The following IQCM variants were observed in gnomAD, a reference collection of about 807,000 sequenced individuals.
IQCM encodes IQ domain-containing protein M.
Under a neutral mutation model 57.6 loss-of-function variants are expected in IQCM, and 45 were observed. The observed-to-expected ratio is 0.78, with a 90% CI of 0.62 to 1.00. The LOEUF (loss-of-function observed/expected upper bound fraction) is 1.00, where lower values mean the gene tolerates loss of function less well. Among genes scored for constraint, IQCM ranks in the 50% least tolerant of loss-of-function variants. The pLI, the probability that IQCM is intolerant of heterozygous loss-of-function variation, is 0.00. For synonymous variants in IQCM, 148 were observed against 158.9 expected (o/e 0.93, Z 0.51); for missense variants, 468 against 511.6 (o/e 0.91, Z 0.82).
Position 149,733,521 on chromosome 4 carries a change from C to CA in IQCM, c.121-14dup, listed in dbSNP as rs1766658014. The CA allele has an allele frequency of 8.3e-7, 1 of 1,204,438 alleles. No homozygotes were observed. The highest frequency in any genetic ancestry group is 1.6e-5 in the African/African-American group (1 of 63,774). 74.6% of individuals were successfully genotyped at this position (1,204,438 alleles called of 1,614,324 possible). Reference sequence around the variant, plus strand: ...CTTGAACTTTATTCTATGAATAAAACAAAAATAGATTTTGGCAAAATTTAA... The same window carrying CA: ...CTTGAACTTTATTCTATGAATAAAACAAAAAATAGATTTTGGCAAAATTTAA... On this transcript the variant is annotated splice_polypyrimidine_tract_variant and intron_variant, in intron 4 of 13. Coordinates refer to ENST00000636793, the MANE Select transcript of IQCM (RefSeq NM_001363507.2).
chr4:149,646,207 T>G (rs1427516705), intron 7 of IQCM, among the ~76,000 whole-genome samples: 1 of 152,178 alleles, frequency 6.6e-6, no homozygotes, highest in African/African-American at 2.4e-5. Context: ...TAATAATTCT[T>G]TATATTATAC....
At chr4:149,718,968 A>G (rs1223033608) in intron 5 of IQCM, among the ~76,000 whole-genome samples, 1 of 152,242 alleles carries the variant, frequency 6.6e-6, no homozygotes, top group Non-Finnish European at 1.5e-5. Flanking sequence ...TCTAGGAATT[A>G]TCATCTGATA....
At chr4:149,594,301 A>G (rs1753537715) in intron 8 of IQCM, among the ~76,000 whole-genome samples, 1 of 151,984 alleles carries the variant, frequency 6.6e-6, no homozygotes, top group African/African-American at 2.4e-5. Flanking sequence ...ATCAGTGGTG[A>G]TATCTCCTTT....
At chr4:149,361,336 G>A (rs1473234683) in intron 13 of IQCM, among the ~76,000 whole-genome samples, 1 of 152,178 alleles carries the variant, frequency 6.6e-6, no homozygotes, top group Non-Finnish European at 1.5e-5. Context: ...ATTCAAGCTG[G>A]CTGCAGAAAT....
At chr4:149,367,422 G>T (rs1320579967) in intron 13 of IQCM, among the ~76,000 whole-genome samples, 7 of 151,892 alleles carry the variant, frequency 4.6e-5, no homozygotes, top group Admixed American at 3.3e-4. Context: ...TTGTTTTACA[G>T]AAATTATATC....
intron 9 of IQCM, among the ~76,000 whole-genome samples, chr4:149,582,307 CATATATATATAT>C (rs70965193): frequency 1.8e-3 from 155 of 88,038 alleles, no homozygotes; most frequent in African/African-American, 2.7e-3. Context: ...ATGCTGTAGA[CATATATATATAT>C]ATATATATAT....
intron 13 of IQCM, among the ~76,000 whole-genome samples, chr4:149,425,776 C>A (rs888090669): frequency 2.6e-5 from 4 of 151,932 alleles, no homozygotes; most frequent in Admixed American, 6.6e-5. Context: ...ACCTTCACAA[C>A]AATTATATTA....
intron 2 of IQCM, among the ~76,000 whole-genome samples, chr4:149,808,689 A>G (rs6844803): frequency 0.083 from 12,606 of 152,212 alleles, 1,376 homozygotes; most frequent in African/African-American, 0.24. Context: ...ATCATAAAAA[A>G]TCAAATAAAG....
chr4:149,526,467 A>G (rs1191572559), intron 12 of IQCM, among the ~76,000 whole-genome samples: 1 of 152,020 alleles, frequency 6.6e-6, no homozygotes, highest in Non-Finnish European at 1.5e-5. Flanking sequence ...TTATATCATC[A>G]AAAAAGTTCT....
chr4:149,494,184 C>A (rs1033238357), intron 12 of IQCM, among the ~76,000 whole-genome samples: 20 of 151,838 alleles, frequency 1.3e-4, no homozygotes, highest in Non-Finnish European at 2.9e-4. Flanking sequence ...TCGTTTTTAA[C>A]GGCTAACATT....
intron 7 of IQCM, among the ~76,000 whole-genome samples, chr4:149,667,347 T>TA (rs201360274): frequency 0.012 from 1,869 of 152,086 alleles, 22 homozygotes; most frequent in African/African-American, 0.031. Context: ...GCCTGACTGT[T>TA]AAAAGGAAAA....
chr4:149,596,916 A>T (rs2150023649), intron 8 of IQCM, among the ~76,000 whole-genome samples: 1 of 152,290 alleles, frequency 6.6e-6, no homozygotes, highest in South Asian at 2.1e-4. Flanking sequence ...ATACCAAGAA[A>T]AATTAGCTCA....
At chr4:149,384,891 C>T (rs2111051980) in intron 13 of IQCM, among the ~76,000 whole-genome samples, 1 of 152,132 alleles carries the variant, frequency 6.6e-6, no homozygotes, top group Non-Finnish European at 1.5e-5. Flanking sequence ...AGAATTTCCT[C>T]ATTATTATCT....
At chr4:149,563,020 C>G (rs1365183047) in intron 10 of IQCM, among the ~76,000 whole-genome samples, 1 of 152,132 alleles carries the variant, frequency 6.6e-6, no homozygotes, top group Non-Finnish European at 1.5e-5. Flanking sequence ...ATTTAGGATT[C>G]TCTCAAAGGT....
At chr4:149,629,787 A>G (rs1381248030) in intron 7 of IQCM, among the ~76,000 whole-genome samples, 1 of 152,158 alleles carries the variant, frequency 6.6e-6, no homozygotes, top group Non-Finnish European at 1.5e-5. Context: ...AGCAAAATGA[A>G]TTTTAGAAAT....
intron 8 of IQCM, among the ~76,000 whole-genome samples, chr4:149,603,065 C>T (rs1029174686): frequency 6.6e-6 from 1 of 151,890 alleles, no homozygotes; most frequent in Non-Finnish European, 1.5e-5. Context: ...TGCCAAATAA[C>T]CAAAAAACAA....
chr4:149,671,345 T>A (rs928942473), intron 7 of IQCM, among the ~76,000 whole-genome samples: 1 of 152,196 alleles, frequency 6.6e-6, no homozygotes, highest in East Asian at 1.9e-4. Flanking sequence ...TTATCATTTT[T>A]TATTGTGTCT....
At chr4:149,538,388 T>C (rs2654808) in intron 12 of IQCM, among the ~76,000 whole-genome samples, 32,348 of 151,714 alleles carry the variant, frequency 0.21, 4,329 homozygotes, top group Non-Finnish European at 0.29. Context: ...TATTAAAATA[T>C]ACTTTAAAAA....
At chr4:149,723,880 G>A (rs1178368062) in intron 5 of IQCM, among the ~76,000 whole-genome samples, 1 of 151,066 alleles carries the variant, frequency 6.6e-6, no homozygotes, top group Non-Finnish European at 1.5e-5. Flanking sequence ...TTCTACTTTG[G>A]ATGTCTGGTA....
Sources: allele counts gnomAD v4.1 joint callset (sites outside exome capture counted in the v4.1 genomes callset), GRCh38; gene constraint gnomAD v4.1.1; transcripts MANE v1.5; gene names NCBI Gene and HGNC (gene_info 2026-07-23, HGNC 2026-07-21).